The following FUT8 variants were observed in gnomAD, a reference collection of about 807,000 sequenced individuals.
FUT8 encodes the protein alpha-(1,6)-fucosyltransferase.
FUT8 carries 29 observed loss-of-function variants against 71.3 expected under a neutral mutation model. The ratio of observed to expected loss-of-function variants is 0.41; its 90% CI spans 0.30 to 0.55. The LOEUF is 0.55. Among genes scored for constraint, FUT8 ranks in the 20% least tolerant of loss-of-function variants. FUT8 has a pLI of 0.34. For missense variants in FUT8, 544 were observed against 702.1 expected, an observed-to-expected ratio of 0.77 and a Z score of 2.55; for synonymous variants, 254 against 239.3, an observed-to-expected ratio of 1.06 and a Z score of -0.57.
chr14:65,742,120 C>G lies in FUT8; in HGVS notation c.1438C>G (p.Gln480Glu), dbSNP rs776060290. ...CTGTCGAGTTGCTTATGAAATTATG[C>G]AAACACTACATCCTGATGCCTCTGC... Reference protein sequence around the residue: ...QVCRVAYEIMQTLHPDASANF... With the variant: ...QVCRVAYEIMETLHPDASANF... Residue 480 changes from glutamine to glutamate, a missense_variant, in exon 11 of 11, where the codon CAA (glutamine) becomes GAA (glutamate). Physicochemically the swap from Gln to Glu is conservative, Grantham distance 29. Transcript: ENST00000673929. 1 of 1,612,184 alleles carries G rather than the reference C, an allele frequency of 6.2e-7. No homozygotes were observed. The highest frequency in any genetic ancestry group is 1.1e-5 in the South Asian group (1 of 91,010).
chr14:65,559,454 C>G (rs1405394301), intron 2 of FUT8, among the ~76,000 whole-genome samples: 1 of 152,066 alleles, frequency 6.6e-6, no homozygotes, highest in East Asian at 1.9e-4. Context: ...TATGTAAATA[C>G]TATGCCATTT....
At chr14:65,549,149 C>T (rs1885142364) in intron 2 of FUT8, among the ~76,000 whole-genome samples, 1 of 152,172 alleles carries the variant, frequency 6.6e-6, no homozygotes, top group South Asian at 2.1e-4. Context: ...AATGGTGCAG[C>T]CACTTTGGAA....
At chr14:65,569,093 C>G (rs935349055) in intron 3 of FUT8, among the ~76,000 whole-genome samples, 1 of 151,298 alleles carries the variant, frequency 6.6e-6, no homozygotes, top group Non-Finnish European at 1.5e-5. Flanking sequence ...TCTGAGAAGT[C>G]TGCAATTTTA....
chr14:65,697,508 A>G (rs1226304422), intron 7 of FUT8, among the ~76,000 whole-genome samples: 1 of 152,218 alleles, frequency 6.6e-6, no homozygotes, highest in Non-Finnish European at 1.5e-5. Context: ...CTGGTAAACT[A>G]GTTTTCCTTT....
At chr14:65,659,993 A>G (rs575732923) in intron 6 of FUT8, among the ~76,000 whole-genome samples, 1 of 152,292 alleles carries the variant, frequency 6.6e-6, no homozygotes, top group Admixed American at 6.5e-5. Context: ...GTGCTTGAGA[A>G]GATACATTTT....
At chr14:65,674,511 T>A (rs1838065913) in intron 7 of FUT8, among the ~76,000 whole-genome samples, 1 of 152,204 alleles carries the variant, frequency 6.6e-6, no homozygotes, top group Non-Finnish European at 1.5e-5. Flanking sequence ...AAGAGCTTCA[T>A]ATGTAGTTTT....
chr14:65,467,880 T>G lies in FUT8; in HGVS notation c.-228+12162T>G, dbSNP rs61735911. On this transcript the variant is annotated intron_variant, in intron 2 of 10. Transcript: ENST00000673929. This position sits in a 1 kb window ranked among gnomAD's most constrained non-coding sequence, Gnocchi z 4.1. ...CCCACTGGTTCTCACAAAGTGTGCT[T>G]CTCTGGATGGAGCAGGCTGGTGCTT... 5.1e-3 allele frequency: 3,975 copies of G among 784,944 alleles called. 106 individuals carry two copies. In the African/African-American group the frequency reaches 0.059, roughly 12 times the overall value. The allele number at this position is 784,944 out of a possible 1,614,324, so 48.6% of individuals were successfully genotyped here. A position where few individuals can be genotyped will look rare whatever the true frequency, so the allele number is the denominator to read the frequency against.
chr14:65,628,164 C>T (rs1889995572), intron 5 of FUT8, among the ~76,000 whole-genome samples: 1 of 152,112 alleles, frequency 6.6e-6, no homozygotes, highest in South Asian at 2.1e-4. Context: ...AATAGAAAAG[C>T]TCTGGAGTAG....
chr14:65,538,824 G>A (rs1884500782), intron 2 of FUT8, among the ~76,000 whole-genome samples: 1 of 152,180 alleles, frequency 6.6e-6, no homozygotes, highest in African/African-American at 2.4e-5. Context: ...GGAGGCTGAG[G>A]CAGGAGAATT....
intron 2 of FUT8, among the ~76,000 whole-genome samples, chr14:65,515,473 A>G (rs1459065521): frequency 1.3e-5 from 2 of 151,266 alleles, no homozygotes; most frequent in Admixed American, 6.6e-5. Flanking sequence ...TTTTTTTTTA[A>G]TCTTAGGTAA....
At chr14:65,442,884 C>A (rs185024579) in intron 1 of FUT8, among the ~76,000 whole-genome samples, 4 of 151,208 alleles carry the variant, frequency 2.6e-5, no homozygotes, top group African/African-American at 9.7e-5. Flanking sequence ...AAACCTTACT[C>A]ATGCACCATA....
At chr14:65,560,353 A>G (rs1281830465) in intron 2 of FUT8, among the ~76,000 whole-genome samples, 1 of 152,206 alleles carries the variant, frequency 6.6e-6, no homozygotes, top group African/African-American at 2.4e-5. Context: ...TAAAGAAAAA[A>G]AAATTTTTAT....
intron 2 of FUT8, among the ~76,000 whole-genome samples, chr14:65,512,710 A>G (rs1357396825): frequency 1.3e-5 from 2 of 152,088 alleles, no homozygotes; most frequent in African/African-American, 4.8e-5. Context: ...AGAGTTCAAC[A>G]GCAGCCTGGC....
At chr14:65,359,623 G>A in the FUT8 span, among the ~76,000 whole-genome samples, 2 of 152,162 alleles carry the variant, frequency 1.3e-5, no homozygotes, top group African/African-American at 4.8e-5. Context: ...TTAGCATGAT[G>A]TCTTCAGAGT....
intron 1 of FUT8, among the ~76,000 whole-genome samples, chr14:65,420,043 C>T (rs1166872836): frequency 1.3e-5 from 2 of 152,166 alleles, no homozygotes; most frequent in East Asian, 3.9e-4. Context: ...ATTATGTTCT[C>T]AATGCTGAGT....
chr14:65,589,652 G>A (rs1887580144), intron 3 of FUT8, among the ~76,000 whole-genome samples: 1 of 152,036 alleles, frequency 6.6e-6, no homozygotes, highest in African/African-American at 2.4e-5. Context: ...CACCGTGTTA[G>A]CCAGGATGGT....
intron 2 of FUT8, among the ~76,000 whole-genome samples, chr14:65,537,747 C>T (rs1187731697): frequency 1.3e-5 from 2 of 152,278 alleles, no homozygotes; most frequent in South Asian, 2.1e-4. Flanking sequence ...TTTCTTCAGT[C>T]TTTGAAGTTG....
At chr14:65,566,108 T>A (rs149839092) in intron 3 of FUT8, among the ~76,000 whole-genome samples, 4 of 152,056 alleles carry the variant, frequency 2.6e-5, no homozygotes, top group Non-Finnish European at 2.9e-5. Flanking sequence ...TTGGTTATGG[T>A]TGGGCAGTCC....
chr14:65,401,445 T>C, the FUT8 span, among the ~76,000 whole-genome samples: 1 of 152,196 alleles, frequency 6.6e-6, no homozygotes, highest in Admixed American at 6.5e-5. Flanking sequence ...TGACATGGCT[T>C]GGAAGAAAGA....
Sources: allele counts gnomAD v4.1 joint callset (sites outside exome capture counted in the v4.1 genomes callset), GRCh38; gene constraint gnomAD v4.1.1; non-coding constraint Gnocchi (gnomAD v3.1); transcripts MANE v1.5; gene names NCBI Gene and HGNC (gene_info 2026-07-23, HGNC 2026-07-21).